TUSC3: variants seen among roughly 807,000 people sequenced by gnomAD.
The protein encoded by TUSC3 is tumor suppressor candidate 3, also known as dolichyl-diphosphooligosaccharide--protein glycosyltransferase subunit TUSC3.
Under a neutral mutation model 44.8 loss-of-function variants are expected in TUSC3, and 45 were observed. The ratio of observed to expected loss-of-function variants is 1.00; its 90% CI spans 0.79 to 1.29. The LOEUF (loss-of-function observed/expected upper bound fraction) is 1.29. Ranked by LOEUF, TUSC3 falls within the 50% of genes most tolerant of loss-of-function variation. The pLI is 0.00. For missense variants in TUSC3, 519 were observed against 437.9 expected (o/e 1.19, Z -1.65); for synonymous variants, 212 against 152.9 (o/e 1.39, Z -2.85).
chr8:15,467,003 C>A (rs1310415029), intron 1 of TUSC3, among the ~76,000 whole-genome samples: 3 of 152,030 alleles, frequency 2.0e-5, no homozygotes, highest in African/African-American at 7.2e-5. Flanking sequence ...GATGTCATTT[C>A]ACTGATATTT....
rs184185717 is a variant in TUSC3, at chr8:15,542,891, T to C, written c.138+2323T>C. 4.4e-4 allele frequency among the ~76,000 whole-genome samples: 67 copies of C among 152,330 alleles called. No individual in the cohort carries two copies. The East Asian group carries it at 0.01, about 24-fold the overall frequency. ...AGAGCAAAATAAGAGCTTAAATAGT[T>C]GATGTTTTCAAGACTGTACTTTCAG... On this transcript the variant is annotated intron_variant, in intron 1 of 10. Transcript: ENST00000503731.
At chr8:15,560,532 T>G (rs1168378455) in intron 1 of TUSC3, among the ~76,000 whole-genome samples, 2 of 150,124 alleles carry the variant, frequency 1.3e-5, no homozygotes, top group East Asian at 3.9e-4. Context: ...CTGTGTTTCC[T>G]GAATCTGAAC....
chr8:15,612,581 A>G (rs767678926), intron 1 of TUSC3, among the ~76,000 whole-genome samples: 12 of 152,226 alleles, frequency 7.9e-5, no homozygotes, highest in Non-Finnish European at 1.5e-4. Context: ...CTGAGTTGCT[A>G]TAAAGTTAAG....
At chr8:15,797,990 C>T in the TUSC3 span, among the ~76,000 whole-genome samples, 1 of 152,130 alleles carries the variant, frequency 6.6e-6, no homozygotes, top group African/African-American at 2.4e-5. Flanking sequence ...AGTCCTTCAA[C>T]AGGCTATGAT....
chr8:15,526,322 G>T (rs921709370), intron 2 of TUSC3, among the ~76,000 whole-genome samples: 1 of 152,150 alleles, frequency 6.6e-6, no homozygotes, highest in African/African-American at 2.4e-5. Flanking sequence ...GTGAGCCACC[G>T]CGCCTGGCTA....
At chr8:15,806,457 G>T in the TUSC3 span, 2 of 831,236 alleles carry the variant, frequency 2.4e-6, no homozygotes, top group South Asian at 2.6e-5. Flanking sequence ...ATGTTGTCTT[G>T]ACTTCCCTTA....
At chr8:15,436,878 T>A (rs1409497033) in intron 1 of TUSC3, among the ~76,000 whole-genome samples, 1 of 152,114 alleles carries the variant, frequency 6.6e-6, no homozygotes, top group Admixed American at 6.6e-5. Context: ...TATTTTGACT[T>A]TTAGGGCAGT....
intron 1 of TUSC3, among the ~76,000 whole-genome samples, chr8:15,425,485 A>C (rs1799792202): frequency 6.6e-6 from 1 of 152,214 alleles, no homozygotes; most frequent in Non-Finnish European, 1.5e-5. Context: ...TTGGGGTATA[A>C]GAAGATGCAG....
At chr8:15,651,546 A>G (rs758868122) in intron 3 of TUSC3, among the ~76,000 whole-genome samples, 1 of 152,230 alleles carries the variant, frequency 6.6e-6, no homozygotes, top group Non-Finnish European at 1.5e-5. Context: ...TGATGTCCAT[A>G]TAAGACGAGG....
chr8:15,661,931 C>A (rs943657869), intron 4 of TUSC3, among the ~76,000 whole-genome samples: 4 of 151,922 alleles, frequency 2.6e-5, no homozygotes, highest in Non-Finnish European at 5.9e-5. Flanking sequence ...TGAAAAGATG[C>A]TCAGCATTGT....
chr8:15,625,513 C>T (rs1340415756), intron 2 of TUSC3, among the ~76,000 whole-genome samples: 12 of 152,136 alleles, frequency 7.9e-5, no homozygotes, highest in African/African-American at 1.7e-4. Flanking sequence ...TCCATTTCCT[C>T]GATGGTTAAG....
chr8:15,751,071 C>T (rs903457808), intron 9 of TUSC3, among the ~76,000 whole-genome samples: 3 of 152,110 alleles, frequency 2.0e-5, no homozygotes, highest in African/African-American at 4.8e-5. Flanking sequence ...CAGCTCTTCA[C>T]AGTGCTCCAT....
intron 1 of TUSC3, among the ~76,000 whole-genome samples, chr8:15,603,022 T>C (rs1319781150): frequency 6.6e-6 from 1 of 151,506 alleles, no homozygotes; most frequent in African/African-American, 2.4e-5. Flanking sequence ...ATGGATTCAA[T>C]TGGACCACAG....
At chr8:15,747,785 A>C (rs183674839) in intron 8 of TUSC3, among the ~76,000 whole-genome samples, 5 of 152,212 alleles carry the variant, frequency 3.3e-5, no homozygotes, top group Non-Finnish European at 5.9e-5. Flanking sequence ...TTTTGACACT[A>C]CTACCTGCCA....
intron 1 of TUSC3, among the ~76,000 whole-genome samples, chr8:15,564,480 C>CTTTT (rs1802592803): frequency 1.3e-5 from 2 of 152,086 alleles, no homozygotes; most frequent in Non-Finnish European, 2.9e-5. Flanking sequence ...TTAATACCCC[C>CTTTT]TTTTGTTTGT....
chr8:15,591,489 C>G (rs1342313934), intron 1 of TUSC3, among the ~76,000 whole-genome samples: 1 of 152,072 alleles, frequency 6.6e-6, no homozygotes, highest in Non-Finnish European at 1.5e-5. Context: ...ATATTATGAG[C>G]AAGATGTGAA....
intron 6 of TUSC3, among the ~76,000 whole-genome samples, chr8:15,687,875 T>A (rs1340210374): frequency 2.0e-5 from 3 of 152,252 alleles, no homozygotes; most frequent in Non-Finnish European, 4.4e-5. Flanking sequence ...CTGCTAACAT[T>A]TGTTTGTAAT....
the TUSC3 span, among the ~76,000 whole-genome samples, chr8:15,849,822 C>G: frequency 1.0e-4 from 15 of 144,486 alleles, no homozygotes; most frequent in Non-Finnish European, 1.5e-5. Context: ...AAAAAAAAAG[C>G]AAAGCATCTT....
chr8:15,844,243 G>A, the TUSC3 span, among the ~76,000 whole-genome samples: 1 of 152,090 alleles, frequency 6.6e-6, no homozygotes, highest in Non-Finnish European at 1.5e-5. Flanking sequence ...AGTTAATGGA[G>A]TATGCAGAAA....
Sources: allele counts gnomAD v4.1 joint callset (sites outside exome capture counted in the v4.1 genomes callset), GRCh38; gene constraint gnomAD v4.1.1; transcripts MANE v1.5; gene names NCBI Gene and HGNC (gene_info 2026-07-23, HGNC 2026-07-21).